The following PRKAR1B variants were observed in gnomAD, a reference collection of about 807,000 sequenced individuals.
PRKAR1B encodes cAMP-dependent protein kinase type I-beta regulatory subunit.
A neutral mutation model predicts 46.5 loss-of-function variants in PRKAR1B; 22 were observed. That is an observed-to-expected ratio of 0.47 (90% CI 0.34 to 0.68). PRKAR1B has a LOEUF of 0.68. Among genes scored for constraint, PRKAR1B ranks in the 30% least tolerant of loss-of-function variants. The pLI, the probability that PRKAR1B is intolerant of heterozygous loss-of-function variation, is 0.01. For synonymous variants in PRKAR1B, 259 were observed against 217.7 expected, an observed-to-expected ratio of 1.19 and a Z score of -1.67; for missense variants, 445 against 535.6, an observed-to-expected ratio of 0.83 and a Z score of 1.67.
rs537732943 is a variant in PRKAR1B, at chr7:680,481, G to T, written c.348+75C>A. ...CCAGGAGGATGAGGGTGCCCCGTGG[G>T]CTTCCAGGGAGCTCACAGGTGACAG... On this transcript the variant is annotated intron_variant, in intron 3 of 10. Coordinates refer to ENST00000537384, the MANE Select transcript of PRKAR1B (RefSeq NM_001164760.2). The T allele has an allele frequency of 1.6e-3, 2,249 of 1,424,040 alleles. 14 individuals are homozygous for T. Among genetic ancestry groups the T allele is most frequent in the Non-Finnish European group, 2.0e-3 (2,125 of 1,076,836 alleles). 88.2% of individuals were successfully genotyped at this position (1,424,040 alleles called of 1,614,324 possible).
intron 4 of PRKAR1B, among the ~76,000 whole-genome samples, chr7:658,925 A>G (rs1264067987): frequency 6.6e-6 from 1 of 152,198 alleles, no homozygotes; most frequent in Non-Finnish European, 1.5e-5. Flanking sequence ...TGCTGGGGTT[A>G]TAGACATGAG....
intron 2 of PRKAR1B, among the ~76,000 whole-genome samples, chr7:687,819 G>A (rs976453143): frequency 2.0e-5 from 3 of 152,162 alleles, no homozygotes; most frequent in African/African-American, 7.2e-5. Context: ...TTACCGGCCG[G>A]GCATGGTGGC....
At chr7:692,051 G>A (rs1779460150) in intron 2 of PRKAR1B, among the ~76,000 whole-genome samples, 1 of 152,152 alleles carries the variant, frequency 6.6e-6, no homozygotes, top group Admixed American at 6.5e-5. Flanking sequence ...CCGCTCTTAG[G>A]GAAATCATCA....
intron 4 of PRKAR1B, among the ~76,000 whole-genome samples, chr7:628,220 G>A (rs959816900): frequency 3.9e-5 from 6 of 152,222 alleles, no homozygotes; most frequent in Admixed American, 6.5e-5. Context: ...TGGGCTCTGC[G>A]GGCACCGGAT....
At chr7:702,653 C>G (rs1583441265) in intron 2 of PRKAR1B, among the ~76,000 whole-genome samples, 1 of 152,102 alleles carries the variant, frequency 6.6e-6, no homozygotes, top group South Asian at 2.1e-4. Flanking sequence ...GAAACCCTGT[C>G]TCTACTAAAA....
rs1484483719 is a variant in PRKAR1B, at chr7:645,520, C to T, written c.440+31709G>A. 3.9e-5 allele frequency among the ~76,000 whole-genome samples: 6 copies of T among 152,196 alleles called. No homozygotes were observed. The East Asian group carries it at 5.8e-4, about 15-fold the overall frequency. ...AAAAATAATTAGCCGGGTGTGATGG[C>T]GAGCCCCTGTGGTCCCAGCTACTCA... On this transcript the variant is annotated intron_variant, in intron 4 of 10. Coordinates refer to ENST00000537384, the MANE Select transcript of PRKAR1B (RefSeq NM_001164760.2).
At chr7:621,339 G>A (rs1783098750) in intron 4 of PRKAR1B, among the ~76,000 whole-genome samples, 1 of 152,172 alleles carries the variant, frequency 6.6e-6, no homozygotes, top group Non-Finnish European at 1.5e-5. Context: ...TTATTCATGT[G>A]CCAATGTTGA....
intron 4 of PRKAR1B, among the ~76,000 whole-genome samples, chr7:662,161 A>C (rs374332273): frequency 5.0e-4 from 28 of 56,302 alleles, no homozygotes; most frequent in South Asian, 4.0e-3. Context: ...GCACAGGTCC[A>C]CACCCCAACA....
chr7:606,320 C>A, intron 5 of PRKAR1B, 81 bp from the exon 6 acceptor site: 1 of 1,376,014 alleles, frequency 7.3e-7, no homozygotes. Flanking sequence ...ACGACTTTCG[C>A]AACACTGTTG....
At chr7:677,799 C>A (rs1010597900) in intron 3 of PRKAR1B, among the ~76,000 whole-genome samples, 3 of 152,166 alleles carry the variant, frequency 2.0e-5, no homozygotes, top group African/African-American at 7.2e-5. Context: ...CATCATGAGG[C>A]AATTTCATCA....
At chr7:629,791 G>A (rs1783629613) in intron 4 of PRKAR1B, among the ~76,000 whole-genome samples, 1 of 103,480 alleles carries the variant, frequency 9.7e-6, no homozygotes, top group Non-Finnish European at 1.9e-5. Flanking sequence ...GCCTCCGAGG[G>A]CGTCACCACC....
Position 579,248 on chromosome 7 carries a change from C to T in PRKAR1B, c.891+8G>A, listed in dbSNP as rs369149513. On this transcript the variant is annotated splice_region_variant and intron_variant, in intron 9 of 10. Transcript: ENST00000537384. ...ACCCAGAGCGCCCACGTGGGAAGCA[C>T]GTCTCACCTCCGTGATGATGTAAAA... is the stretch of plus-strand genomic sequence containing the variant. 26 of 1,614,078 alleles carry T rather than the reference C, an allele frequency of 1.6e-5. No homozygotes were observed. Among genetic ancestry groups the T allele is most frequent in the African/African-American group, 1.1e-4 (8 of 75,060 alleles).
chr7:680,754 GAAGT>G (rs1354706491), intron 2 of PRKAR1B, 28 bp from the exon 3 acceptor site: 3 of 1,613,356 alleles, frequency 1.9e-6, no homozygotes, highest in South Asian at 1.1e-5. Flanking sequence ...ACACAGAAAG[GAAGT>G]AAGAACCTGG....
chr7:707,549 C>T (rs1780393510), intron 2 of PRKAR1B, among the ~76,000 whole-genome samples: 1 of 147,850 alleles, frequency 6.8e-6, no homozygotes, highest in Non-Finnish European at 1.5e-5. Context: ...ATTCTGGAGT[C>T]CTAACCTCAG....
At chr7:597,134 C>T (rs1186906708) in intron 6 of PRKAR1B, among the ~76,000 whole-genome samples, 1 of 152,258 alleles carries the variant, frequency 6.6e-6, no homozygotes, top group African/African-American at 2.4e-5. Flanking sequence ...ACGCTTTATC[C>T]CCTCTGGGTG....
intron 9 of PRKAR1B, among the ~76,000 whole-genome samples, chr7:558,516 G>A (rs1292819210): frequency 1.3e-5 from 2 of 152,122 alleles, no homozygotes; most frequent in African/African-American, 2.4e-5. Context: ...AGCATTTTGG[G>A]AGGCCGAGGT....
At chr7:679,901 G>A (rs982070278) in intron 3 of PRKAR1B, among the ~76,000 whole-genome samples, 9 of 152,276 alleles carry the variant, frequency 5.9e-5, no homozygotes, top group South Asian at 2.1e-4. Context: ...GCTCACGCCC[G>A]TAACCCCAGC....
chr7:627,915 A>G (rs1487103079), intron 4 of PRKAR1B, among the ~76,000 whole-genome samples: 4 of 152,180 alleles, frequency 2.6e-5, no homozygotes, highest in Non-Finnish European at 5.9e-5. Flanking sequence ...TGGGGCACAC[A>G]CAGCCCCTGT....
chr7:667,714 C>G lies in PRKAR1B; in HGVS notation c.440+9515G>C, dbSNP rs1455983885. On this transcript the variant is annotated intron_variant, in intron 4 of 10. Coordinates refer to ENST00000537384, the MANE Select transcript of PRKAR1B (RefSeq NM_001164760.2). The surrounding 1 kb of genome is among the most constrained non-coding windows in gnomAD (Gnocchi z 4.3). ...AGGCTTAGGTGCCCAAGAACTCGAG[C>G]TCAAACCCTAGCTCTGCTCCTGAGG... is the stretch of plus-strand genomic sequence containing the variant. Among the ~76,000 whole-genome samples the G allele has an allele frequency of 6.6e-6, 1 of 152,186 alleles. No individual in the cohort carries two copies. The highest frequency in any genetic ancestry group is 2.4e-5 in the African/African-American group (1 of 41,440).
Sources: gnomAD v4.1 joint callset for allele counts (sites outside exome capture counted in the v4.1 genomes callset) on GRCh38, gnomAD v4.1.1 for gene constraint, Gnocchi (gnomAD v3.1) non-coding constraint, MANE v1.5 for transcripts, NCBI Gene and HGNC (gene_info 2026-07-23, HGNC 2026-07-21) for gene names.